The following CARD8 variants were observed in gnomAD, a reference collection of about 807,000 sequenced individuals.
CARD8 encodes caspase recruitment domain-containing protein 8.
Under a neutral mutation model 53.2 loss-of-function variants are expected in CARD8, and 38 were observed. The observed-to-expected ratio is 0.71, with a 90% CI of 0.55 to 0.94. The LOEUF is 0.94. Ranked by LOEUF, CARD8 falls within the 40% of genes least tolerant of loss-of-function variation. The pLI is 0.00. For synonymous variants in CARD8, 245 were observed against 244.9 expected (o/e 1.00, Z 0.00); for missense variants, 561 against 655.5 (o/e 0.86, Z 1.57).
chr19:48,218,585 C>G (rs2039853501), intron 12 of CARD8, among the ~76,000 whole-genome samples: 2 of 152,058 alleles, frequency 1.3e-5, no homozygotes, highest in South Asian at 4.1e-4. Context: ...AACTCCCGAC[C>G]TTAGGTGATC....
chr19:48,253,362 G>A (rs530852335), intron 1 of CARD8, among the ~76,000 whole-genome samples: 6 of 152,182 alleles, frequency 3.9e-5, no homozygotes, highest in African/African-American at 1.4e-4. Context: ...TGTAATTACA[G>A]GTGTGAGCCA....
rs1289697223 is a variant in CARD8, at chr19:48,211,335, T to C, written c.*375A>G. 5.6e-6 allele frequency: 1 copy of C among 179,430 alleles called. No individual in the cohort carries two copies. Among genetic ancestry groups the C allele is most frequent in the Non-Finnish European group, 1.2e-5 (1 of 84,798 alleles). The allele number at this position is 179,430 out of a possible 1,614,324, so 11.1% of individuals were successfully genotyped here. A position where few individuals can be genotyped will look rare whatever the true frequency, so the allele number is the denominator to read the frequency against. On this transcript the variant is annotated 3_prime_UTR_variant, in exon 14 of 14. Transcript: ENST00000651546. Reference sequence around the variant, plus strand: ...GGTGATACTTCAAACGGAGTGTCCATAGGAATTATTTTTCACATTAATCAG... The same window carrying C: ...GGTGATACTTCAAACGGAGTGTCCACAGGAATTATTTTTCACATTAATCAG...
intron 6 of CARD8, chr19:48,233,020 G>A (rs562262673): frequency 2.5e-5 from 9 of 354,894 alleles, no homozygotes; most frequent in Middle Eastern, 2.0e-3. Flanking sequence ...TCACCAATGC[G>A]TAAAATGTAT....
In CARD8 at chr19:48,211,656, C is replaced by A; in HGVS notation, c.*54G>T. Reference sequence around the variant, plus strand: ...ATCAATGATCACATTTCTGTTTATCCATTTCCAATGAGAACGCTGGATTCT... The same window carrying A: ...ATCAATGATCACATTTCTGTTTATCAATTTCCAATGAGAACGCTGGATTCT... On this transcript the variant is annotated 3_prime_UTR_variant, in exon 14 of 14. Transcript: ENST00000651546. The A allele has an allele frequency of 6.6e-7, 1 of 1,524,380 alleles. No homozygotes were observed. Among genetic ancestry groups the A allele is most frequent in the Non-Finnish European group, 9.0e-7 (1 of 1,113,628 alleles). The allele number at this position is 1,524,380 out of a possible 1,614,324, so 94.4% of individuals were successfully genotyped here.
chr19:48,253,683 T>C (rs1271045818), intron 1 of CARD8, among the ~76,000 whole-genome samples: 2 of 152,194 alleles, frequency 1.3e-5, no homozygotes, highest in Non-Finnish European at 2.9e-5. Context: ...AAATATATTT[T>C]ACCTAAACAG....
At chr19:48,249,364 C>G (rs529727503) in intron 3 of CARD8, among the ~76,000 whole-genome samples, 159 bp downstream of exon 3, 6 of 152,022 alleles carry the variant, frequency 3.9e-5, no homozygotes, top group Non-Finnish European at 8.8e-5. Context: ...GTGGCAACAG[C>G]CGAGAGTGGC....
At position 48,247,070 on chromosome 19, in the gene CARD8, TCAC is replaced by T. The variant is rs1278701913; in HGVS notation, c.-44+2450_-44+2452del. Among the ~76,000 whole-genome samples, 8 of 152,286 alleles carry T rather than the reference TCAC, an allele frequency of 5.3e-5. 1 individual carries two copies. The East Asian group carries it at 9.6e-4, about 18-fold the overall frequency. On this transcript the variant is annotated intron_variant, in intron 3 of 13. Transcript: ENST00000651546. ...CAGGCGCTATGGCTCAAGCCTGTAATCACCACACCTTGAGAGGCCAAGCCGGGT... is the reference window on the plus strand; with the variant it reads ...CAGGCGCTATGGCTCAAGCCTGTAATCACACCTTGAGAGGCCAAGCCGGGT...
chr19:48,212,107 C>T (rs2038103229), intron 13 of CARD8, 132 bp from the exon 14 acceptor site: 3 of 771,372 alleles, frequency 3.9e-6, no homozygotes, highest in Non-Finnish European at 6.3e-6. Context: ...TGTGGACATA[C>T]AAAATCACAC....
At chr19:48,247,784 A>T (rs1277750606) in intron 3 of CARD8, among the ~76,000 whole-genome samples, 2 of 150,582 alleles carry the variant, frequency 1.3e-5, no homozygotes, top group African/African-American at 4.9e-5. Flanking sequence ...ATATACACAC[A>T]CACACAATGC....
At chr19:48,221,006 G>A (rs10426461) in intron 11 of CARD8, among the ~76,000 whole-genome samples, 7,901 of 87,510 alleles carry the variant, frequency 0.09, 318 homozygotes, top group African/African-American at 0.11. Flanking sequence ...AAGAAAGAAA[G>A]AAAAAGAAAG....
Position 48,249,633 on chromosome 19 carries a change from T to C in CARD8, c.-154A>G, listed in dbSNP as rs897957167. ...CTCGAATCTCAGACAGCCCTCCTTC[T>C]CTATGAACATTATTTCAAAAGAAGT... On this transcript the variant is annotated splice_region_variant and 5_prime_UTR_variant, in exon 3 of 14. Coordinates refer to ENST00000651546, the MANE Select transcript of CARD8 (RefSeq NM_001184900.3). The C allele has an allele frequency of 1.3e-5, 2 of 152,312 alleles. No homozygotes were observed. Among genetic ancestry groups the C allele is most frequent in the Admixed American group, 6.5e-5 (1 of 15,274 alleles). 9.4% of individuals were successfully genotyped at this position (152,312 alleles called of 1,614,324 possible). A position where few individuals can be genotyped will look rare whatever the true frequency, so the allele number is the denominator to read the frequency against.
In CARD8 at chr19:48,254,575, C is replaced by A. The variant is rs148725595; in HGVS notation, c.-252+1217G>T. ...GACCAGCCTGGCCAACATAGTGAAACCCCGTCTCTACTAAAAACACAAAAA... is the reference window on the plus strand; with the variant it reads ...GACCAGCCTGGCCAACATAGTGAAAACCCGTCTCTACTAAAAACACAAAAA... On this transcript the variant is annotated intron_variant, in intron 1 of 13. Transcript: ENST00000651546. 4.6e-3 allele frequency among the ~76,000 whole-genome samples: 700 copies of A among 152,150 alleles called. 8 individuals carry two copies. The highest frequency in any genetic ancestry group is 0.016 in the African/African-American group (663 of 41,530).
At position 48,231,641 on chromosome 19, in the gene CARD8, C is replaced by T. The variant is rs769630161; in HGVS notation, c.542+19G>A. The T allele has an allele frequency of 6.4e-7, 1 of 1,568,534 alleles. No individual in the cohort carries two copies. Among genetic ancestry groups the T allele is most frequent in the African/African-American group, 1.4e-5 (1 of 73,352 alleles). On this transcript the variant is annotated intron_variant, in intron 8 of 13. Coordinates refer to ENST00000651546, the MANE Select transcript of CARD8 (RefSeq NM_001184900.3). ...TATATCAGAGTGGTTTTCAAATCAT[C>T]AGCATCTTCCATTCTTACCTGTATC...
chr19:48,244,781 G>A (rs2045834938), intron 3 of CARD8, among the ~76,000 whole-genome samples: 2 of 152,164 alleles, frequency 1.3e-5, no homozygotes, highest in African/African-American at 4.8e-5. Flanking sequence ...AAGAAAATAG[G>A]TGAGAAGACC....
chr19:48,238,293 T>C, intron 5 of CARD8, 90 bp downstream of exon 5: 1 of 1,456,614 alleles, frequency 6.9e-7, no homozygotes, highest in Non-Finnish European at 9.0e-7. Context: ...GCAAATAACC[T>C]GCATGTCTTT....
intron 1 of CARD8, among the ~76,000 whole-genome samples, chr19:48,250,325 A>C (rs2046788001): frequency 6.6e-6 from 1 of 152,192 alleles, no homozygotes; most frequent in South Asian, 2.1e-4. Flanking sequence ...CATTAGTCTG[A>C]GGTTGGACAG....
chr19:48,239,997 C>T (rs1295514267), intron 4 of CARD8, among the ~76,000 whole-genome samples: 4 of 152,086 alleles, frequency 2.6e-5, no homozygotes, highest in African/African-American at 7.2e-5. Flanking sequence ...TTCATGAGGG[C>T]GCTACCTTTA....
chr19:48,251,389 A>T (rs754980733), intron 1 of CARD8, among the ~76,000 whole-genome samples: 3 of 152,206 alleles, frequency 2.0e-5, no homozygotes, highest in Non-Finnish European at 4.4e-5. Flanking sequence ...TCTGGTTATG[A>T]TATTGGGCAG....
intron 10 of CARD8, among the ~76,000 whole-genome samples, chr19:48,229,032 G>A (rs142095766): frequency 0.011 from 1,667 of 152,154 alleles, 8 homozygotes; most frequent in African/African-American, 0.017. Flanking sequence ...CCAGCTACTC[G>A]GGAGGCTGAG....
Sources: allele counts gnomAD v4.1 joint callset (sites outside exome capture counted in the v4.1 genomes callset), GRCh38; gene constraint gnomAD v4.1.1; transcripts MANE v1.5; gene names NCBI Gene and HGNC (gene_info 2026-07-23, HGNC 2026-07-21).